Variants in PTPN4 observed in about 807,000 individuals in gnomAD.
PTPN4 encodes protein tyrosine phosphatase non-receptor type 4.
A neutral mutation model predicts 135.5 loss-of-function variants in PTPN4; 49 were observed. That is an observed-to-expected ratio of 0.36 (90% CI 0.29 to 0.46). The LOEUF (loss-of-function observed/expected upper bound fraction) is 0.46, where lower values mean the gene tolerates loss of function less well. Among genes scored for constraint, PTPN4 ranks in the 20% least tolerant of loss-of-function variants. PTPN4 has a pLI of 1.00. For missense variants in PTPN4, 860 were observed against 1,101.0 expected, an observed-to-expected ratio of 0.78 and a Z score of 3.10; for synonymous variants, 333 against 369.9, an observed-to-expected ratio of 0.90 and a Z score of 1.14.
chr2:119,792,359 A>G (rs1205654929), intron 1 of PTPN4, among the ~76,000 whole-genome samples: 4 of 152,146 alleles, frequency 2.6e-5, no homozygotes, highest in South Asian at 2.1e-4. Context: ...GTTGGGTGCT[A>G]TTATTATTTG....
At chr2:119,786,136 G>C (rs1691044133) in intron 1 of PTPN4, among the ~76,000 whole-genome samples, 2 of 152,108 alleles carry the variant, frequency 1.3e-5, no homozygotes, top group Non-Finnish European at 2.9e-5. Context: ...TCTATGGACT[G>C]GGTACCAGTC....
At chr2:119,956,415 A>T (rs1343638478) in intron 20 of PTPN4, among the ~76,000 whole-genome samples, 2 of 152,070 alleles carry the variant, frequency 1.3e-5, no homozygotes, top group Non-Finnish European at 2.9e-5. Flanking sequence ...AGAAATGACC[A>T]TCATTAATAT....
At chr2:119,967,810 G>T (rs777123004) in intron 25 of PTPN4, 27 bp from the exon 26 acceptor site, 1 of 1,563,194 alleles carries the variant, frequency 6.4e-7, no homozygotes, top group South Asian at 1.2e-5. Flanking sequence ...GTATCGGTAA[G>T]ATCTTGCCTA....
chr2:119,963,898 T>C (rs1055807860), intron 24 of PTPN4, among the ~76,000 whole-genome samples: 1 of 152,224 alleles, frequency 6.6e-6, no homozygotes, highest in African/African-American at 2.4e-5. Context: ...AGATTATCCA[T>C]GACAGTTTTA....
At chr2:119,920,345 T>G in intron 12 of PTPN4, 104 bp downstream of exon 12, 1 of 1,284,432 alleles carries the variant, frequency 7.8e-7, no homozygotes, top group East Asian at 2.4e-5. Context: ...TACACAAACT[T>G]AACTGAGTCA....
chr2:119,917,845 T>C (rs1169774294), intron 11 of PTPN4, among the ~76,000 whole-genome samples: 1 of 152,220 alleles, frequency 6.6e-6, no homozygotes, highest in African/African-American at 2.4e-5. Flanking sequence ...CCAAACTTCA[T>C]ACGATATACT....
chr2:119,903,254 T>C (rs781609890), intron 10 of PTPN4, among the ~76,000 whole-genome samples: 1 of 152,066 alleles, frequency 6.6e-6, no homozygotes, highest in African/African-American at 2.4e-5. Flanking sequence ...GCAAGACCAC[T>C]GTACAGCTGC....
intron 16 of PTPN4, 93 bp from the exon 17 acceptor site, chr2:119,946,248 A>T: frequency 2.1e-6 from 2 of 965,210 alleles, no homozygotes; most frequent in Non-Finnish European, 3.1e-6. Context: ...AACTATGCAT[A>T]ATATAAGCAT....
chr2:119,796,860 TTGTGTGTGTGTGTGTGTGTGTGTGTG>T (rs112883330), intron 1 of PTPN4, among the ~76,000 whole-genome samples: 1 of 147,544 alleles, frequency 6.8e-6, no homozygotes, highest in African/African-American at 2.5e-5. Context: ...GTCACTGTTT[TTGTGTGTGTGTGTGTGTGTGTGTGTG>T]TGTGTGTGTG....
chr2:119,762,466 T>C (rs963431993), intron 1 of PTPN4, among the ~76,000 whole-genome samples: 6 of 152,126 alleles, frequency 3.9e-5, no homozygotes, highest in Admixed American at 2.6e-4. Flanking sequence ...ATCTGTTTAG[T>C]ATTTATTTAT....
intron 19 of PTPN4, 62 bp downstream of exon 19, chr2:119,952,191 C>T (rs924608407): frequency 9.0e-5 from 128 of 1,416,654 alleles, no homozygotes; most frequent in Non-Finnish European, 1.2e-4. Context: ...TTACTGAGCA[C>T]AGCAGCCAGA....
rs527580670 is a variant in PTPN4 at position 119,984,861 on chromosome 2, G to A, written c.*7791G>A. ...AACAACTCTAGCTATGACTCTTAAT[G>A]TTCAATTGCAAAATAAAGATGTGCT... On this transcript the variant is annotated 3_prime_UTR_variant, in exon 27 of 27. Transcript: ENST00000263708. Among the ~76,000 whole-genome samples, 3 of 152,278 alleles carry A rather than the reference G, an allele frequency of 2.0e-5. No individual in the cohort carries two copies. The highest frequency in any genetic ancestry group is 3.9e-4 in the East Asian group (2 of 5,182).
At chr2:119,946,046 A>G (rs1679128310) in intron 16 of PTPN4, among the ~76,000 whole-genome samples, 1 of 152,118 alleles carries the variant, frequency 6.6e-6, no homozygotes. Context: ...CTGGCTTGCT[A>G]TGAGCCAGAT....
chr2:119,828,860 T>C (rs1455383194), intron 2 of PTPN4, among the ~76,000 whole-genome samples: 1 of 152,196 alleles, frequency 6.6e-6, no homozygotes, highest in Admixed American at 6.5e-5. Flanking sequence ...AAGTATAGGA[T>C]AGTAAATGCT....
chr2:119,894,687 A>T (rs1177798012), intron 9 of PTPN4, among the ~76,000 whole-genome samples: 4 of 152,186 alleles, frequency 2.6e-5, no homozygotes, highest in African/African-American at 9.6e-5. Context: ...TGTTACAGAA[A>T]ATTTTTTAAT....
At chr2:119,870,819 A>G in intron 3 of PTPN4, among the ~76,000 whole-genome samples, 1 of 152,134 alleles carries the variant, frequency 6.6e-6, no homozygotes, top group East Asian at 1.9e-4. Context: ...AAACAATAGT[A>G]TAGTTGGGTA....
chr2:119,965,677 A>G, intron 25 of PTPN4, 32 bp downstream of exon 25: 1 of 1,586,178 alleles, frequency 6.3e-7, no homozygotes, highest in South Asian at 1.2e-5. Flanking sequence ...ATGAGTGTAT[A>G]GCTGAACAGA....
chr2:119,841,810 A>C (rs1281141307), intron 2 of PTPN4, among the ~76,000 whole-genome samples: 2 of 152,146 alleles, frequency 1.3e-5, no homozygotes, highest in Non-Finnish European at 2.9e-5. Context: ...ATGGTGGAAA[A>C]ATAACATTAT....
chr2:119,938,233 T>C (rs1196138199), intron 15 of PTPN4, among the ~76,000 whole-genome samples: 1 of 149,936 alleles, frequency 6.7e-6, no homozygotes, highest in African/African-American at 2.4e-5. Flanking sequence ...GTTCACGCCA[T>C]TCTCCTGCCT....
Sources: gnomAD v4.1 joint callset for allele counts (sites outside exome capture counted in the v4.1 genomes callset) on GRCh38, gnomAD v4.1.1 for gene constraint, MANE v1.5 for transcripts, NCBI Gene and HGNC (gene_info 2026-07-23, HGNC 2026-07-21) for gene names.